Variants in LURAP1L observed in about 807,000 individuals in gnomAD.
LURAP1L encodes leucine rich adaptor protein 1 like, also known as leucine rich adaptor protein 1-like.
LURAP1L carries 12 observed loss-of-function variants against 13.8 expected under a neutral mutation model. That is an observed-to-expected ratio of 0.87 (90% CI 0.56 to 1.41). LURAP1L has a LOEUF of 1.41. Among genes scored for constraint, LURAP1L ranks in the 40% most tolerant of loss-of-function variants. The pLI is 0.00. For missense variants in LURAP1L, 375 were observed against 292.9 expected (o/e 1.28, Z -2.04); for synonymous variants, 139 against 119.2 (o/e 1.17, Z -1.08).
intron 1 of LURAP1L, among the ~76,000 whole-genome samples, chr9:12,817,842 C>G (rs1005338312): frequency 6.6e-6 from 1 of 152,158 alleles, no homozygotes; most frequent in Non-Finnish European, 1.5e-5. Flanking sequence ...CAAGGGTCAT[C>G]GGTAGCATAA....
chr9:12,811,726 A>G (rs931922774), intron 1 of LURAP1L, among the ~76,000 whole-genome samples: 6 of 152,356 alleles, frequency 3.9e-5, no homozygotes, highest in African/African-American at 1.4e-4. Context: ...GCATTGGTGT[A>G]TTAGTTATTC....
At chr9:12,795,978 T>C (rs1819507050) in intron 1 of LURAP1L, among the ~76,000 whole-genome samples, 1 of 152,026 alleles carries the variant, frequency 6.6e-6, no homozygotes, top group African/African-American at 2.4e-5. Flanking sequence ...GATAAATAAA[T>C]ATTTTTAAAA....
At chr9:12,789,566 C>T (rs945242211) in intron 1 of LURAP1L, among the ~76,000 whole-genome samples, 10 of 152,140 alleles carry the variant, frequency 6.6e-5, no homozygotes, top group African/African-American at 2.4e-4. Context: ...TCAGAATGTC[C>T]TCTCTTTATA....
At chr9:12,821,207 T>C (rs1252884935) in intron 1 of LURAP1L, among the ~76,000 whole-genome samples, 179 bp from the exon 2 acceptor site, 1 of 152,192 alleles carries the variant, frequency 6.6e-6, no homozygotes, top group Non-Finnish European at 1.5e-5. Context: ...AGTGAGTTTT[T>C]TTTATTATAA....
In LURAP1L at chr9:12,821,489, C is replaced by G. The variant is rs759081018; in HGVS notation, c.416C>G (p.Thr139Ser). 2.5e-6 allele frequency: 4 copies of G among 1,614,162 alleles called. No individual in the cohort carries two copies. In the South Asian group the frequency reaches 3.3e-5, roughly 13 times the overall value. Reference protein sequence around the residue: ...KWMIEEKATITSRGSSLSGSL... With the variant: ...KWMIEEKATISSRGSSLSGSL... Reference sequence around the variant, plus strand: ...ATGATCGAAGAAAAAGCCACCATTACCAGCAGAGGCAGCAGCCTCAGTGGC... The same window carrying G: ...ATGATCGAAGAAAAAGCCACCATTAGCAGCAGAGGCAGCAGCCTCAGTGGC... Residue 139 changes from threonine (T) to serine (S), a missense_variant, in exon 2 of 2, where the codon ACC (threonine) becomes AGC (serine). Thr to Ser is a moderately conservative substitution (Grantham distance 58, BLOSUM62 1). Coordinates refer to ENST00000319264, the MANE Select transcript of LURAP1L (RefSeq NM_203403.2).
intron 1 of LURAP1L, chr9:12,790,710 G>A (rs1427578920): frequency 1.3e-5 from 2 of 151,240 alleles, no homozygotes; most frequent in Non-Finnish European, 2.9e-5. Flanking sequence ...ATTGTTCTCA[G>A]AGTTGTCGGA....
At chr9:12,801,872 G>T (rs1359862212) in intron 1 of LURAP1L, among the ~76,000 whole-genome samples, 1 of 152,160 alleles carries the variant, frequency 6.6e-6, no homozygotes, top group East Asian at 1.9e-4. Context: ...GTTTTTCTGG[G>T]TCATATATTT....
intron 1 of LURAP1L, among the ~76,000 whole-genome samples, chr9:12,785,588 C>A (rs968394586): frequency 1.3e-5 from 2 of 152,198 alleles, no homozygotes; most frequent in African/African-American, 4.8e-5. Context: ...CTGAATGCTT[C>A]CAGTGTGGGA....
intron 1 of LURAP1L, among the ~76,000 whole-genome samples, chr9:12,783,562 A>T (rs911664781): frequency 6.6e-6 from 1 of 152,220 alleles, no homozygotes; most frequent in Non-Finnish European, 1.5e-5. Context: ...CCACTTGGTC[A>T]TGATGAATGA....
intron 1 of LURAP1L, among the ~76,000 whole-genome samples, chr9:12,785,169 G>C (rs1819332429): frequency 6.6e-6 from 1 of 152,128 alleles, no homozygotes. Context: ...CCGGGAGCTA[G>C]GGCCTGGCAT....
intron 1 of LURAP1L, among the ~76,000 whole-genome samples, chr9:12,781,870 C>A (rs899699943): frequency 6.6e-6 from 1 of 152,098 alleles, no homozygotes; most frequent in Non-Finnish European, 1.5e-5. Context: ...TGTACATTCC[C>A]ACCAACAGTG....
chr9:12,811,417 A>G (rs1819733938), intron 1 of LURAP1L, among the ~76,000 whole-genome samples: 1 of 152,222 alleles, frequency 6.6e-6, no homozygotes, highest in Non-Finnish European at 1.5e-5. Flanking sequence ...TATCAAACAT[A>G]AATCATCTGT....
At chr9:12,795,529 T>C (rs796588514) in intron 1 of LURAP1L, among the ~76,000 whole-genome samples, 2 of 152,174 alleles carry the variant, frequency 1.3e-5, no homozygotes, top group African/African-American at 4.8e-5. Flanking sequence ...AAGCATGGAT[T>C]GCCTAGGAAA....
intron 1 of LURAP1L, among the ~76,000 whole-genome samples, chr9:12,795,923 T>C (rs188961733): frequency 6.6e-6 from 1 of 152,140 alleles, no homozygotes; most frequent in East Asian, 1.9e-4. Flanking sequence ...AAAAATATTT[T>C]TGGAACAAGA....
intron 1 of LURAP1L, among the ~76,000 whole-genome samples, chr9:12,813,030 T>A (rs1819758741): frequency 6.6e-6 from 1 of 152,162 alleles, no homozygotes. Context: ...ACCTTCAGAT[T>A]TTAATTACGT....
rs1554657448 is a variant in LURAP1L at position 12,788,194 on chromosome 9, A to AGAAAGAAAGAAAGAAAGAAAG, written c.312+12167_312+12168insGAAAGAAAGAAAGAAAGAAAG. Among the ~76,000 whole-genome samples the AGAAAGAAAGAAAGAAAGAAAG allele has an allele frequency of 3.1e-3, 466 of 151,508 alleles. 9 individuals carry two copies. The highest frequency in any genetic ancestry group is 0.03 in the East Asian group (153 of 5,028). ...AAGAAAGAAAGAAAGAAAGAAAGAAAAGAAAAGAAAAGAAAAGCTCAATGT... is the reference window on the plus strand; with the variant it reads ...AAGAAAGAAAGAAAGAAAGAAAGAAAGAAAGAAAGAAAGAAAGAAAGAGAAAAGAAAAGAAAAGCTCAATGT... On this transcript the variant is annotated intron_variant, in intron 1 of 1. Coordinates refer to ENST00000319264, the MANE Select transcript of LURAP1L (RefSeq NM_203403.2).
At chr9:12,777,863 G>A (rs10960792) in intron 1 of LURAP1L, among the ~76,000 whole-genome samples, 119,035 of 152,138 alleles carry the variant, frequency 0.78, 47,527 homozygotes, top group Non-Finnish European at 0.87. Context: ...CCATGGTAAC[G>A]TGAGTATACA....
chr9:12,795,221 C>G (rs1440450005), intron 1 of LURAP1L, among the ~76,000 whole-genome samples: 1 of 151,898 alleles, frequency 6.6e-6, no homozygotes, highest in Non-Finnish European at 1.5e-5. Flanking sequence ...CCCCTATTTC[C>G]TACACTTTTT....
chr9:12,780,578 C>T (rs1325529904), intron 1 of LURAP1L, among the ~76,000 whole-genome samples: 2 of 152,072 alleles, frequency 1.3e-5, no homozygotes, highest in East Asian at 3.9e-4. Flanking sequence ...ACAAGAACCA[C>T]TGTGAGCCTG....
Sources: gnomAD v4.1 joint callset for allele counts (sites outside exome capture counted in the v4.1 genomes callset) on GRCh38, gnomAD v4.1.1 for gene constraint, MANE v1.5 for transcripts, NCBI Gene and HGNC (gene_info 2026-07-23, HGNC 2026-07-21) for gene names.